IFI16: variants seen among roughly 807,000 people sequenced by gnomAD.
IFI16 encodes the protein interferon gamma inducible protein 16, also known as gamma-interferon-inducible protein 16.
Under a neutral mutation model 68.4 loss-of-function variants are expected in IFI16, and 49 were observed. That is an observed-to-expected ratio of 0.72 (90% confidence interval 0.57 to 0.91). The LOEUF is 0.91. Among genes scored for constraint, IFI16 ranks in the 40% least tolerant of loss-of-function variants. The pLI is 0.00. For missense variants in IFI16, 878 were observed against 942.9 expected, an observed-to-expected ratio of 0.93 and a Z score of 0.90; for synonymous variants, 307 against 315.0, an observed-to-expected ratio of 0.97 and a Z score of 0.27.
At chr1:159,003,649 G>GTAT (rs60416021), upstream of IFI16, among the ~76,000 whole-genome samples, 14 of 149,330 alleles carry the variant, frequency 9.4e-5, no homozygotes, top group African/African-American at 3.0e-4. Context: ...CCATAATTCT[G>GTAT]TATTATTATT....
chr1:159,020,843 C>T (rs1207478096), intron 6 of IFI16, among the ~76,000 whole-genome samples: 3 of 63,236 alleles, frequency 4.7e-5, no homozygotes, highest in Non-Finnish European at 1.1e-4. Context: ...AATTAGAAAA[C>T]GTCGTGTGTG....
chr1:159,042,033 T>C (rs1304392229), intron 7 of IFI16, among the ~76,000 whole-genome samples: 1 of 152,232 alleles, frequency 6.6e-6, no homozygotes, highest in Admixed American at 6.5e-5. Flanking sequence ...GGAGTTATTC[T>C]GCTGCACCTA....
chr1:159,037,244 C>A (rs1654382998), intron 7 of IFI16, among the ~76,000 whole-genome samples: 1 of 152,116 alleles, frequency 6.6e-6, no homozygotes, highest in Non-Finnish European at 1.5e-5. Flanking sequence ...TTATGCTGTG[C>A]CTAAAGACCC....
rs1655391099 is a variant in IFI16 at position 159,051,957 on chromosome 1, A to G, written c.1944A>G (p.Thr648=). The change falls in exon 10 of 12, where the codon ACA becomes ACG. Residue 648 remains threonine (T), a synonymous_variant. Coordinates refer to ENST00000295809, the MANE Select transcript of IFI16 (RefSeq NM_001376587.1). ...RNGFLEVYPF[T]LVADVNADRN... ...GGTTCCTGGAGGTATATCCTTTCACACTTGTGGCTGATGTGAATGCTGACC... is the reference window on the plus strand; with the variant it reads ...GGTTCCTGGAGGTATATCCTTTCACGCTTGTGGCTGATGTGAATGCTGACC... The G allele has an allele frequency of 1.2e-6, 2 of 1,614,122 alleles. No individual in the cohort carries two copies. The highest frequency in any genetic ancestry group is 2.2e-5 in the East Asian group (1 of 44,888).
chr1:159,015,087 G>T, intron 2 of IFI16, 142 bp downstream of exon 2: 1 of 770,924 alleles, frequency 1.3e-6, no homozygotes, highest in East Asian at 2.5e-5. Context: ...TGGTACTTCA[G>T]AGGCCAACAA....
intron 7 of IFI16, among the ~76,000 whole-genome samples, chr1:159,032,968 G>T (rs1242390443): frequency 6.6e-6 from 1 of 151,786 alleles, no homozygotes; most frequent in African/African-American, 2.4e-5. Context: ...AGAGAGAGTG[G>T]CCAGACAAGC....
intron 7 of IFI16, among the ~76,000 whole-genome samples, chr1:159,037,092 C>T (rs1654369666): frequency 1.3e-5 from 2 of 152,308 alleles, no homozygotes; most frequent in Non-Finnish European, 2.9e-5. Flanking sequence ...CTGATCTTCT[C>T]TGCTATTTCA....
intron 9 of IFI16, 88 bp from the exon 10 acceptor site, chr1:159,051,591 A>G (rs1369687315): frequency 1.9e-6 from 2 of 1,030,520 alleles, no homozygotes; most frequent in Non-Finnish European, 2.9e-6. Context: ...CTTGAGGACC[A>G]ACACTGAGGC....
At chr1:159,042,860 T>C (rs1391216191) in intron 7 of IFI16, among the ~76,000 whole-genome samples, 1 of 152,154 alleles carries the variant, frequency 6.6e-6, no homozygotes, top group Non-Finnish European at 1.5e-5. Context: ...TATCACCCCC[T>C]GTGTTACCTA....
At position 159,032,534 on chromosome 1, in the gene IFI16, A is replaced by T; in HGVS notation, c.1172A>T (p.Lys391Ile). ...AATGAATACTTTCAGATAAAGAAAA[A>T]AACAAACCCGAGAAACAATGACCCC... The part of the protein sequence containing the change: ...EMHSFIQIKK[K>I]TNPRNNDPKS... The change falls in exon 7 of 12, where the codon AAA becomes ATA. Residue 391 changes from lysine (K) to isoleucine (I), a missense_variant. Lys to Ile is a moderately radical substitution (Grantham distance 102). Around this residue, in one of 4 missense-constraint regions of IFI16, gnomAD observed 443 missense variants for 421.8 expected, o/e 1.05. Coordinates refer to ENST00000295809, the MANE Select transcript of IFI16 (RefSeq NM_001376587.1). 6.3e-7 allele frequency: 1 copy of T among 1,577,464 alleles called. No homozygotes were observed. The highest frequency in any genetic ancestry group is 1.2e-5 in the South Asian group (1 of 85,084).
At chr1:159,041,814 A>G (rs773636021) in intron 7 of IFI16, among the ~76,000 whole-genome samples, 1 of 152,176 alleles carries the variant, frequency 6.6e-6, no homozygotes, top group African/African-American at 2.4e-5. Flanking sequence ...AAGAGCCTAT[A>G]AAAAGGGGGA....
intron 1 of IFI16, among the ~76,000 whole-genome samples, chr1:159,013,131 CA>C (rs1652679023): frequency 6.8e-6 from 1 of 147,948 alleles, no homozygotes; most frequent in Non-Finnish European, 1.5e-5. Context: ...CTTTTCAGTC[CA>C]AGGATCCTCA....
chr1:159,015,063 A>G (rs1652836964), intron 2 of IFI16, 118 bp downstream of exon 2: 3 of 970,670 alleles, frequency 3.1e-6, no homozygotes, highest in Non-Finnish European at 1.6e-6. Context: ...GTGACTCAAC[A>G]GCTGAGACAA....
At chr1:159,011,990 T>C (rs1158721204) in intron 1 of IFI16, among the ~76,000 whole-genome samples, 1 of 152,194 alleles carries the variant, frequency 6.6e-6, no homozygotes, top group Non-Finnish European at 1.5e-5. Context: ...TACCATGCTG[T>C]TGTAATTTCT....
rs1347246292 is a variant in IFI16 at position 159,016,221 on chromosome 1, G to A, written c.381+234G>A. Among the ~76,000 whole-genome samples the A allele has an allele frequency of 4.6e-5, 7 of 152,210 alleles. No homozygotes were observed. The East Asian group carries it at 1.3e-3, about 29-fold the overall frequency. ...TAAATGTGATACCTTCATTCTAGTA[G>A]AGTGGAGTGTCAACGTGAGAATCAG... On this transcript the variant is annotated intron_variant, in intron 3 of 11. Coordinates refer to ENST00000295809, the MANE Select transcript of IFI16 (RefSeq NM_001376587.1).
intron 6 of IFI16, among the ~76,000 whole-genome samples, chr1:159,030,072 T>A (rs1653909150): frequency 6.6e-6 from 1 of 152,250 alleles, no homozygotes; most frequent in African/African-American, 2.4e-5. Flanking sequence ...TTCTTTCTTC[T>A]ACTTGTTTGA....
At chr1:159,054,725 T>C (rs1322894139) in intron 11 of IFI16, 96 bp from the exon 12 acceptor site, 6 of 616,272 alleles carry the variant, frequency 9.7e-6, no homozygotes, top group Non-Finnish European at 1.8e-5. Context: ...GGGGAAGAGA[T>C]ATGGTGCAGG....
chr1:159,018,633 G>A lies in IFI16; in HGVS notation c.954G>A (p.Gly318=), dbSNP rs1302022285. Residue 318 remains glycine, a synonymous_variant, in exon 5 of 12, where the codon GGG becomes GGA. Coordinates refer to ENST00000295809, the MANE Select transcript of IFI16 (RefSeq NM_001376587.1). ...AAGCTTCAGGAAATATTGTATATGG[G>A]GTATTTATGCTACATAAGGTAAGTC... ...HKQASGNIVY[G]VFMLHKKTVN... The A allele has an allele frequency of 1.9e-6, 3 of 1,608,952 alleles. No individual in the cohort carries two copies. Among genetic ancestry groups the A allele is most frequent in the Non-Finnish European group, 2.5e-6 (3 of 1,177,472 alleles).
chr1:159,003,087 A>T (rs1280620443), upstream of IFI16, among the ~76,000 whole-genome samples: 1 of 152,270 alleles, frequency 6.6e-6, no homozygotes. Context: ...TATATTTAAT[A>T]AAAGTGGAAA....
Sources: gnomAD v4.1 joint callset for allele counts (sites outside exome capture counted in the v4.1 genomes callset) on GRCh38, gnomAD v4.1.1 for gene constraint, gnomAD v4.1.1 regional missense constraint, MANE v1.5 for transcripts, NCBI Gene and HGNC (gene_info 2026-07-23, HGNC 2026-07-21) for gene names.